Variants in AGBL3 observed in about 807,000 individuals in gnomAD.
AGBL3 encodes the protein cytosolic carboxypeptidase 3.
Under a neutral mutation model 94.5 loss-of-function variants are expected in AGBL3, and 68 were observed. That is an observed-to-expected ratio of 0.72 (90% CI 0.59 to 0.88). The LOEUF is 0.88. Ranked by LOEUF, AGBL3 falls within the 40% of genes least tolerant of loss-of-function variation. The probability of loss-of-function intolerance (pLI) is 0.00; values close to 1 mark genes in which losing one functional copy is unlikely to be tolerated. For synonymous variants in AGBL3, 354 were observed against 370.7 expected (o/e 0.95, Z 0.52); for missense variants, 934 against 1,103.8 (o/e 0.85, Z 2.18).
At chr7:135,098,920 G>C (rs1418167882) in intron 15 of AGBL3, among the ~76,000 whole-genome samples, 1 of 152,026 alleles carries the variant, frequency 6.6e-6, no homozygotes, top group African/African-American at 2.4e-5. Context: ...CCACTAAAGA[G>C]CTAAAATGTG....
rs1345637348 is a variant in AGBL3, at chr7:134,993,611, TG to T, written c.245del (p.Gly82ValfsTer3). The T allele has an allele frequency of 1.5e-5, 23 of 1,552,204 alleles. No individual in the cohort carries two copies. The highest frequency in any genetic ancestry group is 2.0e-5 in the Non-Finnish European group (23 of 1,147,068). ...GGGATTTATATGGTGTCTCTTCTTC[TG>T]GTCCATTGAGCCCAACACGGTGGCC... ...PRDLYGVSSS[G>X]PLSPTRWPYH... On this transcript the variant is annotated frameshift_variant, in exon 4 of 17. Coordinates refer to ENST00000436302, the MANE Select transcript of AGBL3 (RefSeq NM_178563.4). LOFTEE classifies it high-confidence loss of function.
Position 135,135,230 on chromosome 7 carries a change from C to G in AGBL3, c.2732C>G (p.Thr911Ser). 1 of 1,532,446 alleles carries G rather than the reference C, an allele frequency of 6.5e-7. No individual in the cohort carries two copies. Among genetic ancestry groups the G allele is most frequent in the African/African-American group, 1.4e-5 (1 of 71,720 alleles). 94.9% of individuals were successfully genotyped at this position (1,532,446 alleles called of 1,614,324 possible). The stretch of plus-strand genomic sequence containing the variant: ...GCCAATAAGAATGATGGACAACCCA[C>G]CTTATATCTGAAGTTCCAAAGGGAG... ...EQANKNDGQP[T>S]LYLKFQRES The change falls in exon 17 of 17, where the codon ACC (threonine) becomes AGC (serine). Residue 911 changes from threonine (T) to serine (S), a missense_variant. By Grantham distance (58) the Thr-to-Ser change is moderately conservative. Around this residue, in one of 3 missense-constraint regions of AGBL3, gnomAD observed 441 missense variants for 518.2 expected, o/e 0.85. Coordinates refer to ENST00000436302, the MANE Select transcript of AGBL3 (RefSeq NM_178563.4).
At chr7:135,044,457 T>G (rs1301283383) in intron 9 of AGBL3, among the ~76,000 whole-genome samples, 1 of 152,150 alleles carries the variant, frequency 6.6e-6, no homozygotes, top group Non-Finnish European at 1.5e-5. Flanking sequence ...AAAATATTTT[T>G]TATTGGATTT....
At chr7:135,050,760 T>C (rs1266222147) in intron 11 of AGBL3, among the ~76,000 whole-genome samples, 2 of 152,072 alleles carry the variant, frequency 1.3e-5, no homozygotes, top group Non-Finnish European at 2.9e-5. Context: ...CATTTTAGCA[T>C]GGAATATTTT....
At chr7:135,132,910 T>C (rs907455397) in intron 16 of AGBL3, among the ~76,000 whole-genome samples, 1 of 152,210 alleles carries the variant, frequency 6.6e-6, no homozygotes, top group Non-Finnish European at 1.5e-5. Context: ...CTATTGAACA[T>C]TGTGCTAGAA....
chr7:134,994,791 C>T (rs1810778052), intron 4 of AGBL3, among the ~76,000 whole-genome samples: 1 of 152,118 alleles, frequency 6.6e-6, no homozygotes, highest in Non-Finnish European at 1.5e-5. Flanking sequence ...TAATTTTTCT[C>T]AAGAATTCCA....
chr7:135,044,506 T>C (rs904285553), intron 9 of AGBL3, among the ~76,000 whole-genome samples: 8 of 152,144 alleles, frequency 5.3e-5, no homozygotes, highest in African/African-American at 1.2e-4. Context: ...GGGGTCAATA[T>C]ATGTTTAAAT....
chr7:135,045,997 C>G, intron 11 of AGBL3, 86 bp downstream of exon 11: 2 of 962,048 alleles, frequency 2.1e-6, no homozygotes, highest in Non-Finnish European at 3.1e-6. Context: ...ATTGTCAGTT[C>G]TCAACTGAAA....
chr7:135,044,414 G>A (rs1057058407), intron 9 of AGBL3, among the ~76,000 whole-genome samples: 1 of 152,012 alleles, frequency 6.6e-6, no homozygotes, highest in African/African-American at 2.4e-5. Flanking sequence ...TTAAATGCTT[G>A]TTGTTTTTAA....
intron 5 of AGBL3, among the ~76,000 whole-genome samples, chr7:135,028,684 C>A (rs1815409389): frequency 6.6e-6 from 1 of 152,166 alleles, no homozygotes; most frequent in Non-Finnish European, 1.5e-5. Flanking sequence ...TTTGCCTCCT[C>A]CCATGAATTA....
Position 135,135,186 on chromosome 7 carries a change from T to C in AGBL3, c.2688T>C (p.Thr896=), listed in dbSNP as rs1474305189. ...CTAAGCATACAGCCCTCCATCTAAC[T>C]AAAAATAAGGATGAGCAGGCCAATA... ...QSSKHTALHL[T]KNKDEQANKN... is the part of the protein sequence containing the mutation. The change falls in exon 17 of 17, where the codon ACT becomes ACC. Residue 896 remains threonine, a synonymous_variant. Coordinates refer to ENST00000436302, the MANE Select transcript of AGBL3 (RefSeq NM_178563.4). The C allele has an allele frequency of 6.5e-7, 1 of 1,548,922 alleles. No homozygotes were observed. The highest frequency in any genetic ancestry group is 2.4e-5 in the East Asian group (1 of 40,880).
At chr7:135,037,173 GTCTCCCAA>G in intron 7 of AGBL3, among the ~76,000 whole-genome samples, 1 of 152,314 alleles carries the variant, frequency 6.6e-6, no homozygotes, top group Non-Finnish European at 1.5e-5. Context: ...ACCTGCCTCA[GTCTCCCAA>G]AGCATTAGGA....
intron 16 of AGBL3, among the ~76,000 whole-genome samples, chr7:135,120,185 G>A (rs868498224): frequency 6.6e-6 from 1 of 152,050 alleles, no homozygotes; most frequent in Non-Finnish European, 1.5e-5. Context: ...GAAAGAATAC[G>A]GTAAGCAAAA....
chr7:135,132,203 A>C (rs924631460), intron 16 of AGBL3, among the ~76,000 whole-genome samples: 12 of 152,286 alleles, frequency 7.9e-5, no homozygotes, highest in South Asian at 6.2e-4. Flanking sequence ...ACAAGGGCAA[A>C]ACAAAAAAGG....
chr7:135,022,043 ATATTT>A, intron 5 of AGBL3, among the ~76,000 whole-genome samples: 1 of 152,288 alleles, frequency 6.6e-6, no homozygotes, highest in South Asian at 2.1e-4. Flanking sequence ...TATTTGTACC[ATATTT>A]TATTTATCCA....
At chr7:135,077,978 G>C (rs1820610514) in intron 13 of AGBL3, among the ~76,000 whole-genome samples, 1 of 152,152 alleles carries the variant, frequency 6.6e-6, no homozygotes, top group Non-Finnish European at 1.5e-5. Context: ...TTTTGGTGGA[G>C]CCCTCTCCTG....
intron 4 of AGBL3, chr7:135,010,310 T>G (rs1260628999): frequency 1.2e-5 from 3 of 254,362 alleles, no homozygotes; most frequent in African/African-American, 4.9e-5. Context: ...TTTTTTGTTG[T>G]TTTTTTTTTT....
At chr7:135,025,696 C>G (rs183167356) in intron 5 of AGBL3, among the ~76,000 whole-genome samples, 2 of 151,424 alleles carry the variant, frequency 1.3e-5, no homozygotes, top group African/African-American at 4.8e-5. Flanking sequence ...TCAACAGACC[C>G]GTCTCATATG....
intron 5 of AGBL3, among the ~76,000 whole-genome samples, chr7:135,021,677 C>A (rs1298955013): frequency 3.1e-5 from 2 of 64,764 alleles, no homozygotes; most frequent in Admixed American, 3.1e-4. Flanking sequence ...TTTTTTTTTA[C>A]CTTCTGGCAT....
Sources: allele counts gnomAD v4.1 joint callset (sites outside exome capture counted in the v4.1 genomes callset), GRCh38; gene constraint gnomAD v4.1.1; regional missense constraint gnomAD v4.1.1; transcripts MANE v1.5; gene names NCBI Gene and HGNC (gene_info 2026-07-23, HGNC 2026-07-21).